GMPR: variants seen among roughly 807,000 people sequenced by gnomAD.
The protein encoded by GMPR is GMP reductase 1.
GMPR carries 31 observed loss-of-function variants against 38.4 expected under a neutral mutation model. The ratio of observed to expected loss-of-function variants is 0.81; its 90% confidence interval spans 0.61 to 1.09. The LOEUF (loss-of-function observed/expected upper bound fraction) is 1.09, where lower values mean the gene tolerates loss of function less well. Among genes scored for constraint, GMPR ranks in the 50% least tolerant of loss-of-function variants. The pLI, the probability that GMPR is intolerant of heterozygous loss-of-function variation, is 0.00. For synonymous variants in GMPR, 162 were observed against 173.3 expected, an observed-to-expected ratio of 0.93 and a Z score of 0.51; for missense variants, 468 against 453.7, an observed-to-expected ratio of 1.03 and a Z score of -0.29.
intron 4 of GMPR, among the ~76,000 whole-genome samples, chr6:16,257,707 T>C (rs1373465056): frequency 2.0e-5 from 3 of 152,216 alleles, no homozygotes; most frequent in Non-Finnish European, 2.9e-5. Flanking sequence ...GCTGATTTAG[T>C]GTCTAGTTTC....
chr6:16,265,847 G>A (rs568326578), intron 4 of GMPR, among the ~76,000 whole-genome samples: 124 of 152,248 alleles, frequency 8.1e-4, no homozygotes, highest in African/African-American at 2.7e-3. Context: ...TCGTTCGCTT[G>A]CTGCTGCTCG....
At chr6:16,254,793 G>A in intron 4 of GMPR, 58 bp downstream of exon 4, 1 of 1,224,488 alleles carries the variant, frequency 8.2e-7, no homozygotes, top group Non-Finnish European at 1.2e-6. Flanking sequence ...CCACGAGGGA[G>A]TTGTTCAATG....
chr6:16,275,150 G>C (rs1759451152), intron 5 of GMPR, among the ~76,000 whole-genome samples: 1 of 152,126 alleles, frequency 6.6e-6, no homozygotes, highest in Non-Finnish European at 1.5e-5. Flanking sequence ...TCTTTGCCCT[G>C]CTTGAAGATG....
intron 7 of GMPR, among the ~76,000 whole-genome samples, chr6:16,288,518 C>T (rs910354810): frequency 2.0e-5 from 3 of 152,226 alleles, no homozygotes; most frequent in South Asian, 2.1e-4. Flanking sequence ...ACCTGCCGCC[C>T]GCCATGGCTG....
chr6:16,256,108 T>C (rs1758968869), intron 4 of GMPR, among the ~76,000 whole-genome samples: 1 of 151,212 alleles, frequency 6.6e-6, no homozygotes, highest in Non-Finnish European at 1.5e-5. Context: ...CCCAGCTACT[T>C]AGGAGGCTGA....
chr6:16,293,990 T>C (rs1759886321), intron 8 of GMPR, among the ~76,000 whole-genome samples: 1 of 152,162 alleles, frequency 6.6e-6, no homozygotes, highest in African/African-American at 2.4e-5. Context: ...AATATATACA[T>C]GTGTCTGGAC....
At chr6:16,288,023 T>C (rs1270034023) in intron 7 of GMPR, among the ~76,000 whole-genome samples, 1 of 152,252 alleles carries the variant, frequency 6.6e-6, no homozygotes, top group Non-Finnish European at 1.5e-5. Context: ...TGCGCCCTGC[T>C]ACTGTCTTGT....
intron 3 of GMPR, among the ~76,000 whole-genome samples, chr6:16,252,248 C>T (rs7767676): frequency 0.33 from 50,548 of 151,914 alleles, 9,089 homozygotes; most frequent in East Asian, 0.69. Context: ...TCTCAGACCT[C>T]CCTCTAACTT....
intron 7 of GMPR, 147 bp from the exon 8 acceptor site, chr6:16,290,315 A>C: frequency 1.4e-6 from 1 of 711,278 alleles, no homozygotes; most frequent in South Asian, 1.8e-5. Context: ...TTCCAGGAGG[A>C]GACAGGCGAG....
chr6:16,257,042 G>A (rs1474082815), intron 4 of GMPR, among the ~76,000 whole-genome samples: 1 of 152,202 alleles, frequency 6.6e-6, no homozygotes, highest in Non-Finnish European at 1.5e-5. Context: ...GCTCCTGTGT[G>A]GGGGTTGGTC....
intron 8 of GMPR, among the ~76,000 whole-genome samples, chr6:16,294,560 A>AG (rs890849271): frequency 1.3e-5 from 2 of 152,162 alleles, no homozygotes; most frequent in Non-Finnish European, 2.9e-5. Context: ...GGCTGTTTCC[A>AG]GGGGGGAATC....
chr6:16,252,008 G>A (rs1169946015), intron 3 of GMPR, among the ~76,000 whole-genome samples: 2 of 152,144 alleles, frequency 1.3e-5, no homozygotes, highest in African/African-American at 4.8e-5. Flanking sequence ...ATGACTTCAG[G>A]TCGTACTGTT....
Position 16,286,888 on chromosome 6 carries a change from A to T in GMPR, c.697+1053A>T, listed in dbSNP as rs1040247930. Among the ~76,000 whole-genome samples, 3 of 152,178 alleles carry T rather than the reference A, an allele frequency of 2.0e-5. No homozygotes were observed. In the South Asian group the frequency reaches 6.2e-4, roughly 32 times the overall value. On this transcript the variant is annotated intron_variant, in intron 7 of 8. Transcript: ENST00000259727. ...GCCACTGCACTCCAGCCTGGGTGAC[A>T]GAGTGACCCTGTCTCAAAAAAATAT...
intron 8 of GMPR, among the ~76,000 whole-genome samples, chr6:16,294,481 T>C (rs1759898870): frequency 6.6e-6 from 1 of 152,240 alleles, no homozygotes; most frequent in African/African-American, 2.4e-5. Context: ...ACTTGATTTC[T>C]GATCTTAGAC....
intron 4 of GMPR, among the ~76,000 whole-genome samples, chr6:16,260,963 C>A (rs1187890104): frequency 6.6e-6 from 1 of 151,802 alleles, no homozygotes; most frequent in Non-Finnish European, 1.5e-5. Context: ...AAAGTATATG[C>A]GTCAGGTATG....
chr6:16,240,715 G>C (rs1391281225), intron 1 of GMPR, among the ~76,000 whole-genome samples: 1 of 152,216 alleles, frequency 6.6e-6, no homozygotes, highest in Non-Finnish European at 1.5e-5. Context: ...GCAACACTTG[G>C]CTTCATAATT....
At chr6:16,288,265 G>C (rs1428364833) in intron 7 of GMPR, among the ~76,000 whole-genome samples, 3 of 152,282 alleles carry the variant, frequency 2.0e-5, no homozygotes, top group Non-Finnish European at 4.4e-5. Context: ...GGAGAGGCGC[G>C]AGTGGCAACC....
At chr6:16,250,164 T>G in intron 2 of GMPR, 120 bp from the exon 3 acceptor site, 1 of 704,532 alleles carries the variant, frequency 1.4e-6, no homozygotes, top group Non-Finnish European at 2.6e-6. Flanking sequence ...TCAAAGCAAA[T>G]TAAGCATGGA....
In GMPR at chr6:16,285,777, T is replaced by C; in HGVS notation, c.655-16T>C. On this transcript the variant is annotated splice_polypyrimidine_tract_variant and intron_variant, in intron 6 of 8. Transcript: ENST00000259727. The stretch of plus-strand genomic sequence containing the variant: ...CCCGCTGATGATGTCCTGTCCTTGC[T>C]TTTTCCTCTGTGAAGGATGGAGGCT... 2 of 1,611,594 alleles carry C rather than the reference T, an allele frequency of 1.2e-6. No individual in the cohort carries two copies. Among genetic ancestry groups the C allele is most frequent in the East Asian group, 2.2e-5 (1 of 44,856 alleles).
Sources: allele counts gnomAD v4.1 joint callset (sites outside exome capture counted in the v4.1 genomes callset), GRCh38; gene constraint gnomAD v4.1.1; transcripts MANE v1.5; gene names NCBI Gene and HGNC (gene_info 2026-07-23, HGNC 2026-07-21).